CDH4: variants seen among roughly 807,000 people sequenced by gnomAD.
The protein encoded by CDH4 is cadherin 4.
Under a neutral mutation model 86.0 loss-of-function variants are expected in CDH4, and 33 were observed. That is an observed-to-expected ratio of 0.38 (90% confidence interval 0.29 to 0.51). The LOEUF (loss-of-function observed/expected upper bound fraction) is 0.51, where lower values mean the gene tolerates loss of function less well. Among genes scored for constraint, CDH4 ranks in the 20% least tolerant of loss-of-function variants. The probability of loss-of-function intolerance (pLI) is 0.86; values close to 1 mark genes in which losing one functional copy is unlikely to be tolerated. For missense variants in CDH4, 1,114 were observed against 1,307.4 expected, an observed-to-expected ratio of 0.85 and a Z score of 2.28; for synonymous variants, 555 against 549.4, an observed-to-expected ratio of 1.01 and a Z score of -0.14.
At chr20:61,546,082 A>AGTGTGTGTT (rs1287184208) in intron 2 of CDH4, among the ~76,000 whole-genome samples, 154 of 804 alleles carry the variant, frequency 0.19, 24 homozygotes, top group Non-Finnish European at 0.21. Context: ...GGGTTTGTTC[A>AGTGTGTGTT]CACGTGTGTG....
rs1207770564 is a variant in CDH4 at position 61,399,293 on chromosome 20, C to T, written c.169+144356C>T. Among the ~76,000 whole-genome samples the T allele has an allele frequency of 4.2e-4, 45 of 107,606 alleles. 14 individuals are homozygous for T. Among genetic ancestry groups the T allele is most frequent in the Non-Finnish European group, 5.9e-4 (32 of 53,932 alleles). The allele number at this position is 107,606 out of a possible 152,430, so 70.6% of individuals were successfully genotyped here. Reference sequence around the variant, plus strand: ...GACTACAGGCGCCCGCCACCATGCCCGGCTAATTTTTTGTATTTTTAGTAG... The same window carrying T: ...GACTACAGGCGCCCGCCACCATGCCTGGCTAATTTTTTGTATTTTTAGTAG... On this transcript the variant is annotated intron_variant, in intron 2 of 15. Transcript: ENST00000614565.
intron 7 of CDH4, among the ~76,000 whole-genome samples, chr20:61,875,808 G>A (rs560260454): frequency 2.6e-5 from 4 of 152,286 alleles, no homozygotes; most frequent in Non-Finnish European, 4.4e-5. Context: ...GCACATGGCC[G>A]AGTCAGGAGT....
At chr20:61,867,029 C>G (rs566839288) in intron 6 of CDH4, among the ~76,000 whole-genome samples, 4 of 152,340 alleles carry the variant, frequency 2.6e-5, no homozygotes, top group Non-Finnish European at 5.9e-5. Flanking sequence ...AGAGCAGCGT[C>G]CATCCTCAGG....
intron 2 of CDH4, among the ~76,000 whole-genome samples, chr20:61,503,168 G>A (rs902834196): frequency 6.6e-6 from 1 of 152,202 alleles, no homozygotes; most frequent in Non-Finnish European, 1.5e-5. Context: ...GTTTGTGGAT[G>A]GAACAACTGG....
chr20:61,563,149 C>T (rs868618491), intron 2 of CDH4, among the ~76,000 whole-genome samples: 4 of 152,162 alleles, frequency 2.6e-5, no homozygotes, highest in African/African-American at 7.2e-5. Context: ...CTCTCTTGAC[C>T]TGTGAATTCT....
intron 7 of CDH4, among the ~76,000 whole-genome samples, chr20:61,880,293 C>T (rs927151088): frequency 3.9e-4 from 59 of 152,136 alleles, no homozygotes; most frequent in African/African-American, 1.4e-3. Context: ...CTGGGGCAGG[C>T]GGGGTTCAGC....
chr20:61,722,959 T>C (rs1029192712), intron 2 of CDH4, among the ~76,000 whole-genome samples: 13 of 152,194 alleles, frequency 8.5e-5, no homozygotes, highest in African/African-American at 3.1e-4. Context: ...AAACAGGATT[T>C]GGATCAGGAA....
At chr20:61,309,026 G>A (rs978994881) in intron 2 of CDH4, among the ~76,000 whole-genome samples, 7 of 152,176 alleles carry the variant, frequency 4.6e-5, no homozygotes, top group African/African-American at 1.2e-4. Flanking sequence ...GCATGTTTTC[G>A]GGCCCAGAAC....
At chr20:61,799,276 G>A (rs6061827) in intron 4 of CDH4, among the ~76,000 whole-genome samples, 25,482 of 152,130 alleles carry the variant, frequency 0.17, 3,013 homozygotes, top group African/African-American at 0.32. Context: ...TGGCTGGTGT[G>A]AGTGTTGAGT....
intron 9 of CDH4, among the ~76,000 whole-genome samples, chr20:61,914,488 G>C (rs374671840): frequency 6.7e-6 from 1 of 149,360 alleles, no homozygotes; most frequent in Non-Finnish European, 1.5e-5. Flanking sequence ...TCTTCTTCCC[G>C]GGTGCGGGCT....
rs915631304 is a variant in CDH4, at chr20:61,627,524, G to A, written c.170-116039G>A. On this transcript the variant is annotated intron_variant, in intron 2 of 15. Coordinates refer to ENST00000614565, the MANE Select transcript of CDH4 (RefSeq NM_001794.5). ...ACAATCAAAAAGGTCACCAGACATC[G>A]CCAAGTGTCCCCTGCGGAGCAGATG... 3.4e-4 allele frequency among the ~76,000 whole-genome samples: 52 copies of A among 152,302 alleles called. 1 individual carries two copies. The highest frequency in any genetic ancestry group is 1.2e-3 in the African/African-American group (49 of 41,564).
intron 2 of CDH4, among the ~76,000 whole-genome samples, chr20:61,339,577 A>G (rs1568804691): frequency 6.6e-6 from 1 of 152,196 alleles, no homozygotes; most frequent in African/African-American, 2.4e-5. Context: ...TTTTTTTTAC[A>G]TCAGACTCTC....
chr20:61,531,464 C>T (rs1367416188), intron 2 of CDH4, among the ~76,000 whole-genome samples: 1 of 109,752 alleles, frequency 9.1e-6, no homozygotes, highest in African/African-American at 4.2e-5. Flanking sequence ...CAGAGCAAGA[C>T]TGCATCTCAA....
intron 8 of CDH4, among the ~76,000 whole-genome samples, chr20:61,909,771 A>G (rs574806786): frequency 3.3e-5 from 5 of 152,156 alleles, no homozygotes; most frequent in South Asian, 2.1e-4. Flanking sequence ...CAGAATTCTT[A>G]CCTCCAGCAC....
intron 2 of CDH4, among the ~76,000 whole-genome samples, chr20:61,601,817 G>A (rs964926035): frequency 3.9e-5 from 6 of 152,348 alleles, no homozygotes; most frequent in Middle Eastern, 3.4e-3. Flanking sequence ...CCTGGTGCCC[G>A]TGGATGCCCA....
chr20:61,879,133 A>G lies in CDH4; in HGVS notation c.1050+5233A>G, dbSNP rs1984168931. Reference sequence around the variant, plus strand: ...ACCCACGCAGGCGGCCACTGACAGCAGTGTAGACGCCAAGCGAGCACCAGT... The same window carrying G: ...ACCCACGCAGGCGGCCACTGACAGCGGTGTAGACGCCAAGCGAGCACCAGT... On this transcript the variant is annotated intron_variant, in intron 7 of 15. Transcript: ENST00000614565. This position sits in a 1 kb window ranked among gnomAD's most constrained non-coding sequence, Gnocchi z 4.1. Among the ~76,000 whole-genome samples the G allele has an allele frequency of 2.0e-5, 3 of 152,212 alleles. 1 individual carries two copies. In the South Asian group the frequency reaches 6.2e-4, roughly 32 times the overall value.
intron 2 of CDH4, among the ~76,000 whole-genome samples, chr20:61,445,793 G>T (rs546199736): frequency 2.0e-5 from 3 of 152,372 alleles, no homozygotes; most frequent in Admixed American, 1.3e-4. Context: ...AGGATGTGAC[G>T]TGCTGGCTGG....
At chr20:61,727,681 T>G (rs2088132455) in intron 2 of CDH4, among the ~76,000 whole-genome samples, 1 of 151,940 alleles carries the variant, frequency 6.6e-6, no homozygotes, top group Non-Finnish European at 1.5e-5. Context: ...GCAGATCACG[T>G]GGTGAGAGAG....
intron 2 of CDH4, among the ~76,000 whole-genome samples, chr20:61,647,739 G>A (rs1448292408): frequency 6.6e-6 from 1 of 152,088 alleles, no homozygotes; most frequent in East Asian, 1.9e-4. Flanking sequence ...TGCTTGCTCT[G>A]TAGGTACCAC....
Sources: allele counts gnomAD v4.1 joint callset (sites outside exome capture counted in the v4.1 genomes callset), GRCh38; gene constraint gnomAD v4.1.1; non-coding constraint Gnocchi (gnomAD v3.1); transcripts MANE v1.5; gene names NCBI Gene and HGNC (gene_info 2026-07-23, HGNC 2026-07-21).